The following PLXDC2 variants were observed in gnomAD, a reference collection of about 807,000 sequenced individuals.
PLXDC2 encodes plexin domain-containing protein 2.
Under a neutral mutation model 68.9 loss-of-function variants are expected in PLXDC2, and 40 were observed. That is an observed-to-expected ratio of 0.58 (90% CI 0.45 to 0.76). PLXDC2 has a LOEUF of 0.76. PLXDC2 is among the 30% of genes least tolerant of loss of function. The probability of loss-of-function intolerance (pLI) is 0.00; values close to 1 mark genes in which losing one functional copy is unlikely to be tolerated. For missense variants in PLXDC2, 644 were observed against 661.9 expected (o/e 0.97, Z 0.30); for synonymous variants, 243 against 234.2 (o/e 1.04, Z -0.34).
chr10:20,192,972 G>A (rs1834787327), intron 9 of PLXDC2, among the ~76,000 whole-genome samples: 1 of 151,992 alleles, frequency 6.6e-6, no homozygotes, highest in Non-Finnish European at 1.5e-5. Flanking sequence ...TAGGTTTGTT[G>A]TCCCAATGTC....
At chr10:19,951,202 G>A (rs961085612) in intron 1 of PLXDC2, among the ~76,000 whole-genome samples, 1 of 152,038 alleles carries the variant, frequency 6.6e-6, no homozygotes, top group African/African-American at 2.4e-5. Flanking sequence ...AGAATACCCA[G>A]ACAACCTACA....
At chr10:20,033,002 G>C (rs895059525) in intron 2 of PLXDC2, among the ~76,000 whole-genome samples, 1 of 143,530 alleles carries the variant, frequency 7.0e-6, no homozygotes, top group African/African-American at 2.6e-5. Context: ...TTGGACACAG[G>C]AAGGGGAACA....
chr10:20,076,175 G>T lies in PLXDC2; in HGVS notation c.541+7936G>T, dbSNP rs78212411. ...ACATTGTCGAATCCTGGAAAGTAAA[G>T]GAAAGAAATAGTAAATAGTGCAGGA... On this transcript the variant is annotated intron_variant, in intron 4 of 13. Transcript: ENST00000377252. 3.3e-3 allele frequency among the ~76,000 whole-genome samples: 502 copies of T among 152,296 alleles called. 4 individuals carry two copies. Among genetic ancestry groups the T allele is most frequent in the African/African-American group, 0.012 (488 of 41,566 alleles).
chr10:20,170,536 C>A (rs1290468548), intron 7 of PLXDC2, among the ~76,000 whole-genome samples: 1 of 152,252 alleles, frequency 6.6e-6, no homozygotes, highest in Admixed American at 6.5e-5. Flanking sequence ...AATAAAATAA[C>A]CTTAACAAAC....
rs528606458 is a variant in PLXDC2 at position 20,132,643 on chromosome 10, C to T, written c.542-10652C>T. Among the ~76,000 whole-genome samples, 207 of 152,004 alleles carry T rather than the reference C, an allele frequency of 1.4e-3. 1 individual carries two copies. The highest frequency in any genetic ancestry group is 4.0e-3 in the African/African-American group (164 of 41,482). Reference sequence around the variant, plus strand: ...ACATCTCTTTTGTCTGATATAGTTACGGCTACTCCTGCTCTCTTTTGGACT... The same window carrying T: ...ACATCTCTTTTGTCTGATATAGTTATGGCTACTCCTGCTCTCTTTTGGACT... On this transcript the variant is annotated intron_variant, in intron 4 of 13. Transcript: ENST00000377252.
chr10:19,849,065 GT>G (rs1378634703), intron 1 of PLXDC2, among the ~76,000 whole-genome samples: 5 of 151,884 alleles, frequency 3.3e-5, no homozygotes, highest in African/African-American at 1.2e-4. Flanking sequence ...CAATGCCCTT[GT>G]TTTTTATTTA....
intron 1 of PLXDC2, among the ~76,000 whole-genome samples, chr10:19,952,607 G>T (rs927625509): frequency 2.0e-5 from 3 of 152,176 alleles, no homozygotes; most frequent in African/African-American, 7.2e-5. Context: ...TCAGAGCATT[G>T]CCTCCATCTT....
intron 2 of PLXDC2, among the ~76,000 whole-genome samples, chr10:20,046,442 T>C (rs934320601): frequency 7.9e-5 from 12 of 152,138 alleles, no homozygotes; most frequent in Non-Finnish European, 1.5e-4. Context: ...GTATTTCTTT[T>C]AGTCACAAGG....
In PLXDC2 at chr10:20,229,808, T is replaced by A. The variant is rs1392635103; in HGVS notation, c.1312+10706T>A. ...TTATCTGAAACTAATTTGTAACAGT[T>A]TTGTAAGCTACTGTGACCGAATGTT... is the stretch of plus-strand genomic sequence containing the variant. On this transcript the variant is annotated intron_variant, in intron 12 of 13. Coordinates refer to ENST00000377252, the MANE Select transcript of PLXDC2 (RefSeq NM_032812.9). 2.0e-5 allele frequency among the ~76,000 whole-genome samples: 3 copies of A among 152,168 alleles called. No individual in the cohort carries two copies. The East Asian group carries it at 5.8e-4, about 29-fold the overall frequency.
Position 20,046,924 on chromosome 10 carries a change from C to T in PLXDC2, c.380C>T (p.Ala127Val), listed in dbSNP as rs1447044815. The T allele has an allele frequency of 1.9e-6, 3 of 1,612,150 alleles. No homozygotes were observed. Among genetic ancestry groups the T allele is most frequent in the Non-Finnish European group, 2.5e-6 (3 of 1,179,074 alleles). Reference protein sequence around the residue: ...ISRIYGPSDSASRDLWVNIDQ... With the variant: ...ISRIYGPSDSVSRDLWVNIDQ... ...CGAATATATGGTCCATCTGATTCTG[C>T]CAGCCGGGATTTATGGGTGAACATA... The change falls in exon 3 of 14, where the codon GCC (alanine) becomes GTC (valine). Residue 127 changes from alanine (A) to valine (V), a missense_variant. This residue lies in a region of PLXDC2 where 201 missense variants were observed against 166.9 expected (regional missense o/e 1.20). Coordinates refer to ENST00000377252, the MANE Select transcript of PLXDC2 (RefSeq NM_032812.9).
intron 12 of PLXDC2, among the ~76,000 whole-genome samples, chr10:20,237,346 T>A (rs995519859): frequency 2.3e-4 from 35 of 151,928 alleles, no homozygotes; most frequent in African/African-American, 3.9e-4. Flanking sequence ...GTAAGCATTT[T>A]AAAAAAAATA....
chr10:19,969,057 A>G (rs1834308721), intron 1 of PLXDC2, among the ~76,000 whole-genome samples: 1 of 152,236 alleles, frequency 6.6e-6, no homozygotes, highest in African/African-American at 2.4e-5. Flanking sequence ...TTAATATACA[A>G]TATACATGCA....
In PLXDC2 at chr10:20,287,142, C is replaced by G. The variant is rs1836166468; in HGVS notation, c.*7323C>G. On this transcript the variant is annotated 3_prime_UTR_variant, in exon 14 of 14. Coordinates refer to ENST00000377252, the MANE Select transcript of PLXDC2 (RefSeq NM_032812.9). ...ATATTCTGCAAGCAATGCTGAGACC[C>G]CTGACATAGAGAAAGCAAAGGATAT... is the stretch of plus-strand genomic sequence containing the variant. 1 of 152,162 alleles carries G rather than the reference C, an allele frequency of 6.6e-6. No individual in the cohort carries two copies. Among genetic ancestry groups the G allele is most frequent in the Non-Finnish European group, 1.5e-5 (1 of 68,064 alleles). 9.4% of individuals were successfully genotyped at this position (152,162 alleles called of 1,614,324 possible). A position where few individuals can be genotyped will look rare whatever the true frequency, so the allele number is the denominator to read the frequency against.
chr10:20,143,351 G>T lies in PLXDC2; in HGVS notation c.598G>T (p.Ala200Ser). 6.2e-7 allele frequency: 1 copy of T among 1,613,222 alleles called. No homozygotes were observed. The highest frequency in any genetic ancestry group is 1.1e-5 in the South Asian group (1 of 91,060). Residue 200 changes from alanine to serine, a missense_variant, in exon 5 of 14, where the codon GCA becomes TCA. Transcript: ENST00000377252. ...HRMLTATQYI[A>S]PLMANFDPSV... ...AATGCTAACAGCCACACAGTACATA[G>T]CACCTTTAATGGCAAATTTCGATCC...
At chr10:20,176,774 A>G (rs748010367) in intron 7 of PLXDC2, among the ~76,000 whole-genome samples, 1 of 152,126 alleles carries the variant, frequency 6.6e-6, no homozygotes, top group Admixed American at 6.6e-5. Context: ...GGTAAGTGAG[A>G]TATCTGAGAC....
intron 5 of PLXDC2, among the ~76,000 whole-genome samples, chr10:20,145,846 C>G (rs1834069638): frequency 6.6e-6 from 1 of 152,226 alleles, no homozygotes; most frequent in East Asian, 1.9e-4. Context: ...AGCCACCGCA[C>G]CTGGTCAACA....
chr10:19,838,048 G>C (rs552567556), intron 1 of PLXDC2, among the ~76,000 whole-genome samples: 1 of 151,908 alleles, frequency 6.6e-6, no homozygotes, highest in South Asian at 2.1e-4. Flanking sequence ...GCCCAGACTG[G>C]AGTGCAGTGG....
At chr10:20,198,827 C>T (rs762205951) in intron 9 of PLXDC2, among the ~76,000 whole-genome samples, 2 of 152,054 alleles carry the variant, frequency 1.3e-5, no homozygotes, top group African/African-American at 4.8e-5. Flanking sequence ...AGGCAGAAAG[C>T]GATTAATGAT....
chr10:19,979,710 G>T (rs1452988072), intron 1 of PLXDC2, among the ~76,000 whole-genome samples: 2 of 152,160 alleles, frequency 1.3e-5, no homozygotes, highest in Non-Finnish European at 2.9e-5. Flanking sequence ...GTTGTTTGGG[G>T]TTTTGTTTTC....
Sources: gnomAD v4.1 joint callset for allele counts (sites outside exome capture counted in the v4.1 genomes callset) on GRCh38, gnomAD v4.1.1 for gene constraint, gnomAD v4.1.1 regional missense constraint, MANE v1.5 for transcripts, NCBI Gene and HGNC (gene_info 2026-07-23, HGNC 2026-07-21) for gene names.